The following ARHGAP26 variants were observed in gnomAD, a reference collection of about 807,000 sequenced individuals.
ARHGAP26 encodes the protein rho GTPase-activating protein 26.
A neutral mutation model predicts 104.8 loss-of-function variants in ARHGAP26; 38 were observed. The observed-to-expected ratio is 0.36, with a 90% CI of 0.28 to 0.48. The LOEUF (loss-of-function observed/expected upper bound fraction) is 0.48. Ranked by LOEUF, ARHGAP26 falls within the 20% of genes least tolerant of loss-of-function variation. The probability of loss-of-function intolerance (pLI) is 0.99; values close to 1 mark genes in which losing one functional copy is unlikely to be tolerated. For missense variants in ARHGAP26, 704 were observed against 947.9 expected (o/e 0.74, Z 3.38); for synonymous variants, 341 against 340.0 (o/e 1.00, Z -0.03).
At chr5:142,912,412 G>A (rs139798853) in intron 9 of ARHGAP26, among the ~76,000 whole-genome samples, 1 of 152,340 alleles carries the variant, frequency 6.6e-6, no homozygotes, top group East Asian at 1.9e-4. Context: ...GATGTACTAG[G>A]AGGAGGGATG....
chr5:143,185,660 A>T (rs1041604737), intron 20 of ARHGAP26, among the ~76,000 whole-genome samples: 1 of 152,216 alleles, frequency 6.6e-6, no homozygotes, highest in Non-Finnish European at 1.5e-5. Context: ...GCAAGTATCA[A>T]TCCTTGCCAT....
chr5:142,851,254 G>A (rs1274038619), intron 1 of ARHGAP26, among the ~76,000 whole-genome samples: 5 of 152,048 alleles, frequency 3.3e-5, no homozygotes, highest in Non-Finnish European at 5.9e-5. Flanking sequence ...GTGCCACCAT[G>A]CCCGGCTAAT....
chr5:143,074,721 G>C (rs930780470), intron 17 of ARHGAP26, among the ~76,000 whole-genome samples: 3 of 152,212 alleles, frequency 2.0e-5, no homozygotes, highest in Non-Finnish European at 4.4e-5. Context: ...CTTTAGAGAA[G>C]GTCTGCCAGA....
intron 3 of ARHGAP26, among the ~76,000 whole-genome samples, chr5:142,877,511 C>T (rs1406810967): frequency 6.6e-6 from 1 of 152,200 alleles, no homozygotes; most frequent in East Asian, 1.9e-4. Flanking sequence ...GTCGTAGAAT[C>T]TTAGACTAAG....
At chr5:143,005,803 C>T (rs946901192) in intron 11 of ARHGAP26, among the ~76,000 whole-genome samples, 6 of 152,120 alleles carry the variant, frequency 3.9e-5, no homozygotes, top group African/African-American at 9.7e-5. Flanking sequence ...AGAACGCTTC[C>T]GGGGCTGTTA....
intron 17 of ARHGAP26, among the ~76,000 whole-genome samples, chr5:143,120,625 AG>A (rs1249784552): frequency 8.5e-5 from 13 of 152,244 alleles, no homozygotes; most frequent in Non-Finnish European, 1.6e-4. Flanking sequence ...TTGCAGTTTA[AG>A]CAGCTGCCAA....
intron 1 of ARHGAP26, among the ~76,000 whole-genome samples, chr5:142,832,338 A>G (rs1402525020): frequency 6.6e-6 from 1 of 152,220 alleles, no homozygotes; most frequent in Non-Finnish European, 1.5e-5. Context: ...CTGATATGAT[A>G]GGATTAGTGT....
chr5:143,065,800 G>A (rs936207772), intron 17 of ARHGAP26, among the ~76,000 whole-genome samples: 2 of 152,244 alleles, frequency 1.3e-5, no homozygotes, highest in African/African-American at 2.4e-5. Context: ...ATTCACACAC[G>A]GATACGCTGG....
intron 12 of ARHGAP26, among the ~76,000 whole-genome samples, chr5:143,034,536 C>T (rs1782338403): frequency 6.6e-6 from 1 of 152,066 alleles, no homozygotes; most frequent in Admixed American, 6.5e-5. Context: ...GTGAGGTGTT[C>T]ACAATAGGCA....
chr5:142,979,455 C>G (rs1156743021), intron 11 of ARHGAP26, among the ~76,000 whole-genome samples: 1 of 152,172 alleles, frequency 6.6e-6, no homozygotes, highest in African/African-American at 2.4e-5. Context: ...CCTGTGCATC[C>G]AGAGACTATG....
intron 3 of ARHGAP26, among the ~76,000 whole-genome samples, chr5:142,875,858 AG>A (rs1756005286): frequency 6.6e-6 from 1 of 152,176 alleles, no homozygotes. Flanking sequence ...CTCCTGCTTC[AG>A]CCTCCTGAGT....
chr5:142,833,545 C>CT (rs944590863), intron 1 of ARHGAP26, among the ~76,000 whole-genome samples: 1 of 151,476 alleles, frequency 6.6e-6, no homozygotes, highest in Non-Finnish European at 1.5e-5. Flanking sequence ...TTTGTATGTA[C>CT]TTTTTTCCCC....
intron 1 of ARHGAP26, among the ~76,000 whole-genome samples, chr5:142,812,916 A>G (rs1294855461): frequency 1.3e-5 from 2 of 150,502 alleles, no homozygotes; most frequent in Non-Finnish European, 3.0e-5. Flanking sequence ...AATTCTATAT[A>G]ATTTCTTTTT....
intron 17 of ARHGAP26, among the ~76,000 whole-genome samples, chr5:143,090,061 G>A (rs892606954): frequency 6.6e-6 from 1 of 152,228 alleles, no homozygotes. Context: ...TAAGCTCACT[G>A]CATCCTTTCA....
chr5:143,098,860 T>G (rs1467497627), intron 17 of ARHGAP26, among the ~76,000 whole-genome samples: 1 of 145,794 alleles, frequency 6.9e-6, no homozygotes, highest in African/African-American at 2.7e-5. Flanking sequence ...ATAGGGTTAG[T>G]GTTAAAGTAT....
At chr5:143,112,413 T>C (rs1794889096) in intron 17 of ARHGAP26, among the ~76,000 whole-genome samples, 3 of 152,192 alleles carry the variant, frequency 2.0e-5, no homozygotes, top group African/African-American at 7.2e-5. Flanking sequence ...GTCAGCTGGA[T>C]CCTGTAGGTC....
intron 20 of ARHGAP26, among the ~76,000 whole-genome samples, chr5:143,197,223 G>T (rs1807012010): frequency 6.6e-6 from 1 of 152,020 alleles, no homozygotes; most frequent in Non-Finnish European, 1.5e-5. Context: ...TTTCTCTGGG[G>T]TGTATGTCTA....
chr5:143,001,193 G>C (rs960452551), intron 11 of ARHGAP26, among the ~76,000 whole-genome samples: 1 of 152,196 alleles, frequency 6.6e-6, no homozygotes, highest in African/African-American at 2.4e-5. Context: ...GTGGGAGTAA[G>C]ATGGAAGGAG....
At chr5:143,127,468 A>G (rs1032902918) in intron 18 of ARHGAP26, among the ~76,000 whole-genome samples, 2 of 152,164 alleles carry the variant, frequency 1.3e-5, no homozygotes, top group African/African-American at 4.8e-5. Flanking sequence ...GGGAGTGTTG[A>G]TCATTGAGCT....
Sources: allele counts gnomAD v4.1 joint callset (sites outside exome capture counted in the v4.1 genomes callset), GRCh38; gene constraint gnomAD v4.1.1; transcripts MANE v1.5; gene names NCBI Gene and HGNC (gene_info 2026-07-23, HGNC 2026-07-21).